The following WRAP73 variants were observed in gnomAD, a reference collection of about 807,000 sequenced individuals.
WRAP73 encodes the protein WD repeat containing, antisense to TP73, also known as WD repeat-containing protein WRAP73.
A neutral mutation model predicts 59.6 loss-of-function variants in WRAP73; 55 were observed. The ratio of observed to expected loss-of-function variants is 0.92; its 90% CI spans 0.74 to 1.15. The LOEUF (loss-of-function observed/expected upper bound fraction) is 1.15, where lower values mean the gene tolerates loss of function less well. WRAP73 is among the 50% of genes most tolerant of loss of function. WRAP73 has a pLI of 0.00. For synonymous variants in WRAP73, 265 were observed against 258.2 expected (o/e 1.03, Z -0.25); for missense variants, 592 against 608.1 (o/e 0.97, Z 0.28).
chr1:3,631,252 G>A, intron 11 of WRAP73, 135 bp from the exon 12 acceptor site: 1 of 1,447,686 alleles, frequency 6.9e-7, no homozygotes, highest in South Asian at 1.3e-5. Flanking sequence ...GAGCCCCAGA[G>A]CTGCCTCAAG....
chr1:3,633,803 C>T (rs1644563817), intron 8 of WRAP73: 1 of 330,924 alleles, frequency 3.0e-6, no homozygotes, highest in Non-Finnish European at 5.6e-6. Context: ...AGGGAGTGGG[C>T]TCAGCCTTCC....
chr1:3,635,427 A>G (rs893586676), intron 6 of WRAP73, 133 bp from the exon 7 acceptor site: 4 of 1,233,878 alleles, frequency 3.2e-6, no homozygotes, highest in Non-Finnish European at 3.4e-6. Flanking sequence ...GGCCGTGGAA[A>G]AGCTGGAACT....
intron 3 of WRAP73, 33 bp from the exon 4 acceptor site, chr1:3,638,855 A>G (rs762846682): frequency 6.2e-6 from 10 of 1,611,408 alleles, no homozygotes; most frequent in Middle Eastern, 3.3e-4. Flanking sequence ...GAAAGGAAAC[A>G]CTTCTTTAGC....
intron 3 of WRAP73, among the ~76,000 whole-genome samples, chr1:3,641,532 G>A (rs1228345563): frequency 6.6e-6 from 1 of 152,238 alleles, no homozygotes; most frequent in African/African-American, 2.4e-5. Flanking sequence ...CTGTGCAGAT[G>A]GGATTCCGAG....
Position 3,639,495 on chromosome 1 carries a change from G to A in WRAP73, c.340-673C>T, listed in dbSNP as rs1397924198. 6.6e-6 allele frequency: 1 copy of A among 152,340 alleles called. No individual in the cohort carries two copies. Among genetic ancestry groups the A allele is most frequent in the Non-Finnish European group, 1.5e-5 (1 of 68,118 alleles). The allele number at this position is 152,340 out of a possible 1,614,324, so 9.4% of individuals were successfully genotyped here. A position where few individuals can be genotyped will look rare whatever the true frequency, so the allele number is the denominator to read the frequency against. Reference sequence around the variant, plus strand: ...CGACGAGGGCGTGCCTGCTGAGGGAGAGGCACCGCAGTGGGTGGTCCAGCC... The same window carrying A: ...CGACGAGGGCGTGCCTGCTGAGGGAAAGGCACCGCAGTGGGTGGTCCAGCC... On this transcript the variant is annotated intron_variant, in intron 3 of 11. Coordinates refer to ENST00000270708, the MANE Select transcript of WRAP73 (RefSeq NM_017818.4). The surrounding 1 kb of genome is among the most constrained non-coding windows in gnomAD (Gnocchi z 4.3).
rs79763413 is a variant in WRAP73 at position 3,646,171 on chromosome 1, G to A, written c.339+495C>T. On this transcript the variant is annotated intron_variant, in intron 3 of 11. Coordinates refer to ENST00000270708, the MANE Select transcript of WRAP73 (RefSeq NM_017818.4). This position sits in a 1 kb window ranked among gnomAD's most constrained non-coding sequence, Gnocchi z 5.1. ...GTCATCAGACCCAGGGCAGCAGACA[G>A]TGCCTGTGTTCACGACACCCTTATC... 0.023 allele frequency among the ~76,000 whole-genome samples: 3,485 copies of A among 152,300 alleles called. 55 individuals are homozygous for A. Among genetic ancestry groups the A allele is most frequent in the Non-Finnish European group, 0.036 (2,422 of 68,024 alleles).
At chr1:3,645,889 G>A (rs1229015611) in intron 3 of WRAP73, among the ~76,000 whole-genome samples, 1 of 152,180 alleles carries the variant, frequency 6.6e-6, no homozygotes, top group Non-Finnish European at 1.5e-5. Flanking sequence ...CACGCCCCCA[G>A]GCCAGGCTCC....
chr1:3,649,832 C>A, intron 1 of WRAP73, 99 bp downstream of exon 1: 1 of 1,346,932 alleles, frequency 7.4e-7, no homozygotes, highest in Non-Finnish European at 1.0e-6. Flanking sequence ...CTGCAGGATC[C>A]CCAAGCTGCC....
At chr1:3,649,037 G>C (rs900331259) in intron 1 of WRAP73, among the ~76,000 whole-genome samples, 2 of 152,210 alleles carry the variant, frequency 1.3e-5, no homozygotes, top group Non-Finnish European at 2.9e-5. Context: ...AGTTAGTACA[G>C]GTGGTGGATA....
intron 9 of WRAP73, chr1:3,632,712 G>T (rs115954327): frequency 1.2e-5 from 4 of 336,920 alleles, no homozygotes; most frequent in Non-Finnish European, 2.3e-5. Flanking sequence ...CCACCTCAGC[G>T]TCAGTACCCT....
In WRAP73 at chr1:3,646,587, CCT is replaced by C. The variant is rs1644692581; in HGVS notation, c.339+77_339+78del. On this transcript the variant is annotated intron_variant, in intron 3 of 11. Transcript: ENST00000270708. The surrounding 1 kb of genome is among the most constrained non-coding windows in gnomAD (Gnocchi z 5.1). ...AGACTAGCATACTCCAAACACACCC[CCT>C]CTCGCACTCCCCAGCTGTTTCGAGA... The C allele has an allele frequency of 2.2e-5, 26 of 1,197,116 alleles. No homozygotes were observed. In the South Asian group the frequency reaches 3.5e-4, roughly 16 times the overall value. The allele number at this position is 1,197,116 out of a possible 1,614,324, so 74.2% of individuals were successfully genotyped here.
chr1:3,635,549 T>A, intron 6 of WRAP73: 1 of 554,194 alleles, frequency 1.8e-6, no homozygotes, highest in Non-Finnish European at 3.2e-6. Flanking sequence ...GGCCGGGCAC[T>A]GTGGCTCACG....
Position 3,638,739 on chromosome 1 carries a change from G to T in WRAP73, c.412+11C>A, listed in dbSNP as rs200041379. 2 of 1,613,958 alleles carry T rather than the reference G, an allele frequency of 1.2e-6. No individual in the cohort carries two copies. Among genetic ancestry groups the T allele is most frequent in the Middle Eastern group, 3.3e-4 (2 of 6,062 alleles). On this transcript the variant is annotated intron_variant, in intron 4 of 11. Transcript: ENST00000270708. Reference sequence around the variant, plus strand: ...AAAGAAATGGCTTTTGCGTGGCTCCGATCGACTCACCCTGCAGACAAGCTT... The same window carrying T: ...AAAGAAATGGCTTTTGCGTGGCTCCTATCGACTCACCCTGCAGACAAGCTT...
At chr1:3,647,842 C>T (rs994554995) in intron 1 of WRAP73, among the ~76,000 whole-genome samples, 10 of 152,208 alleles carry the variant, frequency 6.6e-5, no homozygotes, top group African/African-American at 2.4e-4. Context: ...TTTTAAGTCC[C>T]TTCTTATCTG....
chr1:3,632,474 G>A (rs1644546257), intron 9 of WRAP73, 136 bp from the exon 10 acceptor site: 3 of 1,417,886 alleles, frequency 2.1e-6, no homozygotes, highest in South Asian at 1.2e-5. Flanking sequence ...GCGGCCCAAG[G>A]GCAGGAAGAG....
intron 3 of WRAP73, among the ~76,000 whole-genome samples, chr1:3,643,167 C>T (rs1006771485): frequency 6.6e-6 from 1 of 152,210 alleles, no homozygotes; most frequent in Non-Finnish European, 1.5e-5. Context: ...CCTGTCAACA[C>T]GGAGGAGTCT....
Position 3,650,074 on chromosome 1 carries a change from A to C in WRAP73, c.-75T>G. ...CCCTGGGCGCGCAGCAGGCTGCAAC[A>C]GCCGACGCCGGCCTCCGAGGCCGGA... On this transcript the variant is annotated 5_prime_UTR_variant, in exon 1 of 12. Coordinates refer to ENST00000270708, the MANE Select transcript of WRAP73 (RefSeq NM_017818.4). 4.2e-6 allele frequency: 6 copies of C among 1,436,886 alleles called. No individual in the cohort carries two copies. The highest frequency in any genetic ancestry group is 5.6e-6 in the Non-Finnish European group (6 of 1,077,450). The allele number at this position is 1,436,886 out of a possible 1,614,324, so 89.0% of individuals were successfully genotyped here. A position where few individuals can be genotyped will look rare whatever the true frequency, so the allele number is the denominator to read the frequency against.
chr1:3,638,758 C>T lies in WRAP73; in HGVS notation c.404G>A (p.Cys135Tyr), dbSNP rs776201818. ...SVSYIKYPKA[C>Y]LQGITFTRDG... is the part of the protein sequence containing the mutation. ...GGCTCCGATCGACTCACCCTGCAGACAAGCTTTCGGGTATTTGATGTAAGA... is the reference window on the plus strand; with the variant it reads ...GGCTCCGATCGACTCACCCTGCAGATAAGCTTTCGGGTATTTGATGTAAGA... The change falls in exon 4 of 12, where the codon TGT (cysteine) becomes TAT (tyrosine). Residue 135 changes from cysteine (C) to tyrosine (Y), a missense_variant. By Grantham distance (194) the Cys-to-Tyr change is radical. Coordinates refer to ENST00000270708, the MANE Select transcript of WRAP73 (RefSeq NM_017818.4). The T allele has an allele frequency of 1.4e-5, 22 of 1,614,130 alleles. 1 individual carries two copies. The highest frequency in any genetic ancestry group is 2.2e-5 in the South Asian group (2 of 91,082).
At position 3,638,825 on chromosome 1, in the gene WRAP73, G is replaced by A. The variant is rs1224412204; in HGVS notation, c.340-3C>T. The A allele has an allele frequency of 5.0e-6, 8 of 1,613,862 alleles. No homozygotes were observed. Among genetic ancestry groups the A allele is most frequent in the East Asian group, 2.2e-5 (1 of 44,886 alleles). On this transcript the variant is annotated splice_region_variant and splice_polypyrimidine_tract_variant and intron_variant, in intron 3 of 11. Coordinates refer to ENST00000270708, the MANE Select transcript of WRAP73 (RefSeq NM_017818.4). Reference sequence around the variant, plus strand: ...AAGGACCAGACGGTTATCCGCAGCTGTTGGGGGAAAGGGGAAAGAGAAAGG... The same window carrying A: ...AAGGACCAGACGGTTATCCGCAGCTATTGGGGGAAAGGGGAAAGAGAAAGG...
Sources: gnomAD v4.1 joint callset for allele counts (sites outside exome capture counted in the v4.1 genomes callset) on GRCh38, gnomAD v4.1.1 for gene constraint, Gnocchi (gnomAD v3.1) non-coding constraint, MANE v1.5 for transcripts, NCBI Gene and HGNC (gene_info 2026-07-23, HGNC 2026-07-21) for gene names.